The following SELENOO variants were observed in gnomAD, a reference collection of about 807,000 sequenced individuals.
SELENOO encodes the protein protein adenylyltransferase SelO, mitochondrial.
In SELENOO, 74 loss-of-function variants were observed where a neutral mutation model predicts 58.7. That is an observed-to-expected ratio of 1.26 (90% CI 1.04 to 1.53). SELENOO has a LOEUF of 1.53. SELENOO is among the 40% of genes most tolerant of loss of function. The pLI, the probability that SELENOO is intolerant of heterozygous loss-of-function variation, is 0.00. For missense variants in SELENOO, 1,149 were observed against 970.0 expected, an observed-to-expected ratio of 1.18 and a Z score of -2.45; for synonymous variants, 543 against 453.2, an observed-to-expected ratio of 1.20 and a Z score of -2.52.
intron 5 of SELENOO, among the ~76,000 whole-genome samples, chr22:50,214,306 C>T (rs530487586): frequency 6.6e-6 from 1 of 152,288 alleles, no homozygotes; most frequent in East Asian, 1.9e-4. Flanking sequence ...TTTCCCGGCC[C>T]TTCTGACAAT....
chr22:50,209,803 A>G (rs981451450), intron 3 of SELENOO, among the ~76,000 whole-genome samples: 2 of 152,086 alleles, frequency 1.3e-5, no homozygotes, highest in African/African-American at 4.8e-5. Context: ...GGGGGGGGCC[A>G]GGCCAGCAGG....
chr22:50,208,802 G>GA, intron 3 of SELENOO, 86 bp downstream of exon 3: 2 of 1,356,472 alleles, frequency 1.5e-6, no homozygotes, highest in South Asian at 2.6e-5. Flanking sequence ...TTGGCCGGGG[G>GA]ACAAAGGCTT....
At chr22:50,206,894 G>GT (rs1255205898) in intron 2 of SELENOO, among the ~76,000 whole-genome samples, 2 of 152,098 alleles carry the variant, frequency 1.3e-5, no homozygotes, top group Non-Finnish European at 2.9e-5. Flanking sequence ...GGTGCTTCTG[G>GT]GGGGGAGGGG....
chr22:50,203,671 A>G (rs1461776909), intron 1 of SELENOO, among the ~76,000 whole-genome samples: 2 of 152,210 alleles, frequency 1.3e-5, no homozygotes, highest in East Asian at 3.8e-4. Context: ...CATGCAAAAG[A>G]ATGAAGCTGG....
In SELENOO at chr22:50,201,443, C is replaced by A; in HGVS notation, c.407C>A (p.Ala136Asp). 7.2e-7 allele frequency: 1 copy of A among 1,393,110 alleles called. No individual in the cohort carries two copies. The highest frequency in any genetic ancestry group is 9.4e-7 in the Non-Finnish European group (1 of 1,068,250). The allele number at this position is 1,393,110 out of a possible 1,614,324, so 86.3% of individuals were successfully genotyped here. A position where few individuals can be genotyped will look rare whatever the true frequency, so the allele number is the denominator to read the frequency against. ...GNALLPGAEP[A>D]AHCYCGHQFG... is the part of the protein sequence containing the mutation. ...GCGCTCCTGCCGGGCGCCGAGCCCGCCGCGCACTGCTACTGCGGCCACCAA... is the reference window on the plus strand; with the variant it reads ...GCGCTCCTGCCGGGCGCCGAGCCCGACGCGCACTGCTACTGCGGCCACCAA... The change falls in exon 1 of 9, where the codon GCC (alanine) becomes GAC (aspartate). Residue 136 changes from alanine to aspartate, a missense_variant. Ala to Asp is a moderately radical substitution (Grantham distance 126, BLOSUM62 -2). Transcript: ENST00000380903.
At chr22:50,215,618 C>A in intron 5 of SELENOO, 99 bp from the exon 6 acceptor site, 1 of 1,055,050 alleles carries the variant, frequency 9.5e-7, no homozygotes, top group Non-Finnish European at 1.3e-6. Flanking sequence ...GTCCATGCAG[C>A]ACCTGTGCCA....
rs764365193 is a variant in SELENOO, at chr22:50,217,203, A to C, written c.1846-2A>C. 4 of 1,611,994 alleles carry C rather than the reference A, an allele frequency of 2.5e-6. No individual in the cohort carries two copies. In the South Asian group the frequency reaches 4.4e-5, roughly 18 times the overall value. On this transcript the variant is annotated splice_acceptor_variant, in intron 8 of 8. Transcript: ENST00000380903. LOFTEE classifies it high-confidence loss of function. The stretch of plus-strand genomic sequence containing the variant: ...ACCCCTCTCACCCTCCTGATCCTCC[A>C]GGTGCGGCGGGTGCTGAAACTACTG...
chr22:50,215,947 TAG>T, intron 6 of SELENOO, 80 bp downstream of exon 6: 3 of 1,337,038 alleles, frequency 2.2e-6, no homozygotes, highest in South Asian at 1.3e-5. Context: ...GGGGAGAAGC[TAG>T]AGACAGAGCT....
chr22:50,208,373 T>C (rs1370853232), intron 2 of SELENOO, 163 bp from the exon 3 acceptor site: 1 of 575,606 alleles, frequency 1.7e-6, no homozygotes, highest in African/African-American at 1.9e-5. Context: ...GAGGTTGTGG[T>C]GAGGCGAGAT....
chr22:50,205,000 T>C (rs1380147458), intron 1 of SELENOO, among the ~76,000 whole-genome samples: 1 of 152,200 alleles, frequency 6.6e-6, no homozygotes, highest in Non-Finnish European at 1.5e-5. Context: ...GAGAGACAAA[T>C]CCTGGGTGAT....
At position 50,208,646 on chromosome 22, in the gene SELENOO, C is replaced by A. The variant is rs758410018; in HGVS notation, c.869C>A (p.Ser290Tyr). ...RVQLLDYVISSFYPEIQAAHA... is the reference protein window; with the variant it reads ...RVQLLDYVISYFYPEIQAAHA... Reference sequence around the variant, plus strand: ...CAGCTGCTCGACTATGTCATCAGCTCCTTTTACCCCGAGATCCAGGCTGCT... The same window carrying A: ...CAGCTGCTCGACTATGTCATCAGCTACTTTTACCCCGAGATCCAGGCTGCT... Residue 290 changes from serine (S) to tyrosine (Y), a missense_variant, in exon 3 of 9, where the codon TCC (serine) becomes TAC (tyrosine). Coordinates refer to ENST00000380903, the MANE Select transcript of SELENOO (RefSeq NM_031454.2). 4 of 1,613,882 alleles carry A rather than the reference C, an allele frequency of 2.5e-6. No homozygotes were observed. Among genetic ancestry groups the A allele is most frequent in the Admixed American group, 3.3e-5 (2 of 60,026 alleles).
rs924380565 is a variant in SELENOO at position 50,215,608 on chromosome 22, G to C, written c.1352-109G>C. The C allele has an allele frequency of 9.5e-5, 91 of 956,910 alleles. 1 individual carries two copies. In the Admixed American group the frequency reaches 2.1e-3, roughly 23 times the overall value. The allele number at this position is 956,910 out of a possible 1,614,324, so 59.3% of individuals were successfully genotyped here. ...GGGCGGTGGTGGAGCATGTGGGTGG[G>C]TCCATGCAGCACCTGTGCCAGGGGG... On this transcript the variant is annotated intron_variant, in intron 5 of 8. Transcript: ENST00000380903.
intron 1 of SELENOO, 134 bp downstream of exon 1, chr22:50,201,724 T>G (rs2064302994): frequency 1.7e-6 from 1 of 588,308 alleles, no homozygotes; most frequent in Non-Finnish European, 2.5e-6. Context: ...GGGAGCGCGG[T>G]GCTGGCAGCC....
intron 4 of SELENOO, 145 bp from the exon 5 acceptor site, chr22:50,210,486 C>A: frequency 2.9e-6 from 4 of 1,365,060 alleles, no homozygotes; most frequent in Non-Finnish European, 4.0e-6. Flanking sequence ...TGGCCAGGGG[C>A]TGGTGAGACA....
intron 7 of SELENOO, 27 bp from the exon 8 acceptor site, chr22:50,216,945 G>T: frequency 6.2e-7 from 1 of 1,604,916 alleles, no homozygotes; most frequent in South Asian, 1.1e-5. Flanking sequence ...GCCCGGCTGT[G>T]ACTCCAGAGC....
In SELENOO at chr22:50,210,799, G is replaced by C; in HGVS notation, c.1239G>C (p.Glu413Asp). The C allele has an allele frequency of 6.2e-7, 1 of 1,613,998 alleles. No individual in the cohort carries two copies. The highest frequency in any genetic ancestry group is 2.2e-5 in the East Asian group (1 of 44,888). ...TCCTGGCCGAGGAGTTTGACGCCGA[G>C]TTCCAAAGGCACTACCTGCAGAAGA... The part of the protein sequence containing the change: ...EAILAEEFDA[E>D]FQRHYLQKMR... The change falls in exon 5 of 9, where the codon GAG becomes GAC. Residue 413 changes from glutamate to aspartate, a missense_variant. Transcript: ENST00000380903.
At chr22:50,206,055 G>T in intron 1 of SELENOO, 1 of 553,040 alleles carries the variant, frequency 1.8e-6, no homozygotes, top group Non-Finnish European at 3.3e-6. Context: ...CCTCGTTCTG[G>T]GCAGGAAGAC....
At chr22:50,203,634 C>A (rs1187884153) in intron 1 of SELENOO, among the ~76,000 whole-genome samples, 2 of 152,176 alleles carry the variant, frequency 1.3e-5, no homozygotes, top group Non-Finnish European at 2.9e-5. Context: ...GACTTTTCAA[C>A]AAATGGTGCT....
chr22:50,208,802 G>A (rs1420919157), intron 3 of SELENOO, 86 bp downstream of exon 3: 8 of 1,356,352 alleles, frequency 5.9e-6, no homozygotes, highest in African/African-American at 1.4e-5. Flanking sequence ...TTGGCCGGGG[G>A]ACAAAGGCTT....
Sources: gnomAD v4.1 joint callset for allele counts (sites outside exome capture counted in the v4.1 genomes callset) on GRCh38, gnomAD v4.1.1 for gene constraint, MANE v1.5 for transcripts, NCBI Gene and HGNC (gene_info 2026-07-23, HGNC 2026-07-21) for gene names.